SERINC3: variants seen among roughly 807,000 people sequenced by gnomAD.
SERINC3 encodes the protein serine incorporator 3.
In SERINC3, 22 loss-of-function variants were observed where a neutral mutation model predicts 52.1. That is an observed-to-expected ratio of 0.42 (90% confidence interval 0.30 to 0.60). The LOEUF is 0.60. Among genes scored for constraint, SERINC3 ranks in the 20% least tolerant of loss-of-function variants. The pLI is 0.16. For missense variants in SERINC3, 564 were observed against 584.6 expected, an observed-to-expected ratio of 0.96 and a Z score of 0.36; for synonymous variants, 226 against 212.7, an observed-to-expected ratio of 1.06 and a Z score of -0.54.
intron 6 of SERINC3, among the ~76,000 whole-genome samples, chr20:44,506,079 T>C (rs2064310543): frequency 6.6e-6 from 1 of 151,626 alleles, no homozygotes; most frequent in South Asian, 2.1e-4. Flanking sequence ...GATGGGTGGA[T>C]CACCTGAGGT....
intron 1 of SERINC3, among the ~76,000 whole-genome samples, chr20:44,515,379 A>G (rs1262052035): frequency 6.6e-6 from 1 of 152,216 alleles, no homozygotes; most frequent in Non-Finnish European, 1.5e-5. Flanking sequence ...ATTCAGACAT[A>G]ATAGATAGAT....
chr20:44,521,925 G>A lies in SERINC3; in HGVS notation c.27C>T (p.Ser9=). The A allele has an allele frequency of 1.9e-6, 3 of 1,611,398 alleles. No homozygotes were observed. The South Asian group carries it at 3.3e-5, about 18-fold the overall frequency. The part of the protein sequence containing the change: MGAVLGVF[S]LASWVPCLCS... Reference sequence around the variant, plus strand: ...ACCCCGAACTCACCCAGCTGGCGAGGGAGAAGACACCCAGCACAGCCCCCA... The same window carrying A: ...ACCCCGAACTCACCCAGCTGGCGAGAGAGAAGACACCCAGCACAGCCCCCA... The change falls in exon 1 of 10, where the codon TCC becomes TCT. Residue 9 remains serine (S), a synonymous_variant. Transcript: ENST00000342374.
At chr20:44,521,421 A>G (rs2064415584) in intron 1 of SERINC3, among the ~76,000 whole-genome samples, 1 of 152,208 alleles carries the variant, frequency 6.6e-6, no homozygotes, top group African/African-American at 2.4e-5. Flanking sequence ...ATAACAATCC[A>G]CAAGGGCTTC....
In SERINC3 at chr20:44,503,992, C is replaced by A; in HGVS notation, c.878G>T (p.Arg293Leu). The change falls in exon 8 of 10, where the codon CGT becomes CTT. Residue 293 changes from arginine (R) to leucine (L), a missense_variant. Coordinates refer to ENST00000342374, the MANE Select transcript of SERINC3 (RefSeq NM_006811.4). Reference protein sequence around the residue: ...TWSAMSNEPDRSCNPNLMSFI... With the variant: ...TWSAMSNEPDLSCNPNLMSFI... The stretch of plus-strand genomic sequence containing the variant: ...GCTCATCAGGTTGGGATTGCAGGAA[C>A]GATCTGAAAATGAGAAAATTTGTAT... 6.4e-7 allele frequency: 1 copy of A among 1,569,802 alleles called. No homozygotes were observed. Among genetic ancestry groups the A allele is most frequent in the South Asian group, 1.2e-5 (1 of 80,858 alleles).
intron 1 of SERINC3, among the ~76,000 whole-genome samples, chr20:44,517,463 A>G (rs1053325921): frequency 6.6e-6 from 1 of 152,200 alleles, no homozygotes; most frequent in Non-Finnish European, 1.5e-5. Context: ...CTAATTCAAT[A>G]TAACTGTGTC....
intron 5 of SERINC3, among the ~76,000 whole-genome samples, chr20:44,508,736 G>T (rs1036501880): frequency 6.6e-6 from 1 of 152,174 alleles, no homozygotes; most frequent in South Asian, 2.1e-4. Flanking sequence ...CATGTAGGAA[G>T]TGAAAAGAGC....
rs2064258032 is a variant in SERINC3 at position 44,498,085 on chromosome 20, G to A, written c.*2211C>T. On this transcript the variant is annotated 3_prime_UTR_variant, in exon 10 of 10. Transcript: ENST00000342374. The stretch of plus-strand genomic sequence containing the variant: ...GATAGCCAGAAAACGGCAAAGCTGG[G>A]ATGCAAACCCAAGCAGTCTGACTCC... The A allele has an allele frequency of 6.6e-6, 1 of 152,186 alleles. No homozygotes were observed. The highest frequency in any genetic ancestry group is 1.5e-5 in the Non-Finnish European group (1 of 68,048). 9.4% of individuals were successfully genotyped at this position (152,186 alleles called of 1,614,324 possible).
At chr20:44,515,893 C>A in intron 1 of SERINC3, among the ~76,000 whole-genome samples, 1 of 151,988 alleles carries the variant, frequency 6.6e-6, no homozygotes, top group Non-Finnish European at 1.5e-5. Flanking sequence ...TGAGCTCAGG[C>A]AATCCACCCA....
chr20:44,506,173 C>T lies in SERINC3; in HGVS notation c.783+654G>A, dbSNP rs899655342. On this transcript the variant is annotated intron_variant, in intron 6 of 9. Coordinates refer to ENST00000342374, the MANE Select transcript of SERINC3 (RefSeq NM_006811.4). ...AAAATTAGCCGGGCATGGTGGCAGG[C>T]GCCTGGCCAAGGCTGGAGAATCACT... is the stretch of plus-strand genomic sequence containing the variant. Among the ~76,000 whole-genome samples, 37 of 149,862 alleles carry T rather than the reference C, an allele frequency of 2.5e-4. 1 individual carries two copies. The highest frequency in any genetic ancestry group is 8.6e-4 in the African/African-American group (35 of 40,644).
chr20:44,516,761 C>T (rs1415369849), intron 1 of SERINC3, among the ~76,000 whole-genome samples: 2 of 152,162 alleles, frequency 1.3e-5, no homozygotes, highest in African/African-American at 4.8e-5. Context: ...GTTGTGTGAT[C>T]ACAGCTCACT....
At chr20:44,513,755 C>G (rs1437812038) in intron 2 of SERINC3, 124 bp downstream of exon 2, 13 of 737,826 alleles carry the variant, frequency 1.8e-5, no homozygotes, top group Non-Finnish European at 2.7e-5. Context: ...TGACCACACC[C>G]CCATATAAGT....
chr20:44,504,058 G>C, intron 7 of SERINC3, 63 bp from the exon 8 acceptor site: 1 of 1,379,920 alleles, frequency 7.2e-7, no homozygotes, highest in Non-Finnish European at 9.9e-7. Flanking sequence ...GAAAGAACTT[G>C]AGGAGTTCCC....
chr20:44,517,248 T>C (rs1309931140), intron 1 of SERINC3, among the ~76,000 whole-genome samples: 3 of 152,216 alleles, frequency 2.0e-5, no homozygotes, highest in Non-Finnish European at 4.4e-5. Context: ...GCCATTATTA[T>C]TTGTAATTGC....
rs6017354 is a variant in SERINC3 at position 44,499,890 on chromosome 20, T to C, written c.*406A>G. On this transcript the variant is annotated 3_prime_UTR_variant, in exon 10 of 10. Coordinates refer to ENST00000342374, the MANE Select transcript of SERINC3 (RefSeq NM_006811.4). ...GGACTTTCATAGAGGAAAACTGTAATATAAATGCATTTTTTTTTTTTTGCT... is the reference window on the plus strand; with the variant it reads ...GGACTTTCATAGAGGAAAACTGTAACATAAATGCATTTTTTTTTTTTTGCT... 63 of 147,982 alleles carry C rather than the reference T, an allele frequency of 4.3e-4. No homozygotes were observed. The highest frequency in any genetic ancestry group is 1.5e-3 in the African/African-American group (58 of 38,328). The allele number at this position is 147,982 out of a possible 1,614,324, so 9.2% of individuals were successfully genotyped here.
At position 44,514,056 on chromosome 20, in the gene SERINC3, C is replaced by T; in HGVS notation, c.40-16G>A. The T allele has an allele frequency of 1.2e-6, 2 of 1,612,484 alleles. No individual in the cohort carries two copies. Among genetic ancestry groups the T allele is most frequent in the Non-Finnish European group, 1.7e-6 (2 of 1,179,222 alleles). ...GGCATGGAACCTGGAATGAGCACACCATGGTCACCTGAGACCGCCTTCAGT... is the reference window on the plus strand; with the variant it reads ...GGCATGGAACCTGGAATGAGCACACTATGGTCACCTGAGACCGCCTTCAGT... On this transcript the variant is annotated splice_polypyrimidine_tract_variant and intron_variant, in intron 1 of 9. Coordinates refer to ENST00000342374, the MANE Select transcript of SERINC3 (RefSeq NM_006811.4).
intron 3 of SERINC3, 35 bp downstream of exon 3, chr20:44,512,766 C>T (rs767852414): frequency 6.6e-7 from 1 of 1,506,146 alleles, no homozygotes; most frequent in Admixed American, 2.6e-5. Flanking sequence ...AGAGCCACAC[C>T]ATAATGTAAC....
intron 6 of SERINC3, among the ~76,000 whole-genome samples, chr20:44,505,434 G>C (rs2064305483): frequency 6.8e-6 from 1 of 147,976 alleles, no homozygotes; most frequent in Non-Finnish European, 1.5e-5. Context: ...ATTTCTCCTT[G>C]CCTCAGCCTC....
In SERINC3 at chr20:44,506,846, G is replaced by A. The variant is rs774873506; in HGVS notation, c.764C>T (p.Ser255Leu). 18 of 1,576,442 alleles carry A rather than the reference G, an allele frequency of 1.1e-5. No individual in the cohort carries two copies. The highest frequency in any genetic ancestry group is 7.5e-5 in the Admixed American group (4 of 53,108). The change falls in exon 6 of 10, where the codon TCG (serine) becomes TTG (leucine). Residue 255 changes from serine to leucine, a missense_variant. Ser to Leu is a moderately radical substitution (Grantham distance 145). Coordinates refer to ENST00000342374, the MANE Select transcript of SERINC3 (RefSeq NM_006811.4). ...LILCVVASIISIHPKIQEHQP... is the reference protein window; with the variant it reads ...LILCVVASIILIHPKIQEHQP... The stretch of plus-strand genomic sequence containing the variant: ...TCATACCTGAATTTTTGGGTGGATC[G>A]ATATAATAGAAGCCACAACGCAAAG...
Position 44,504,905 on chromosome 20 carries a change from A to G in SERINC3, c.784-14T>C. 6.2e-7 allele frequency: 1 copy of G among 1,609,332 alleles called. No homozygotes were observed. The highest frequency in any genetic ancestry group is 8.5e-7 in the Non-Finnish European group (1 of 1,176,136). On this transcript the variant is annotated splice_polypyrimidine_tract_variant and intron_variant, in intron 6 of 9. Coordinates refer to ENST00000342374, the MANE Select transcript of SERINC3 (RefSeq NM_006811.4). ...AGGCTGGTGTTCCTATGGAATCAAA[A>G]GGAAAACAGTGGCACAGGGACTGCC...
Sources: allele counts gnomAD v4.1 joint callset (sites outside exome capture counted in the v4.1 genomes callset), GRCh38; gene constraint gnomAD v4.1.1; transcripts MANE v1.5; gene names NCBI Gene and HGNC (gene_info 2026-07-23, HGNC 2026-07-21).